COL24A1: variants seen among roughly 807,000 people sequenced by gnomAD.
COL24A1 encodes the protein collagen alpha-1(XXIV) chain.
Under a neutral mutation model 253.9 loss-of-function variants are expected in COL24A1, and 224 were observed. The observed-to-expected ratio is 0.88, with a 90% CI of 0.79 to 0.99. The LOEUF is 0.99. COL24A1 is among the 50% of genes least tolerant of loss of function. The pLI, the probability that COL24A1 is intolerant of heterozygous loss-of-function variation, is 0.00. For missense variants in COL24A1, 2,131 were observed against 2,068.5 expected (o/e 1.03, Z -0.59); for synonymous variants, 685 against 673.7 (o/e 1.02, Z -0.26).
At chr1:86,032,998 A>G (rs1698702150) in intron 13 of COL24A1, among the ~76,000 whole-genome samples, 1 of 152,144 alleles carries the variant, frequency 6.6e-6, no homozygotes, top group Non-Finnish European at 1.5e-5. Flanking sequence ...ATGCAAGAAA[A>G]ATGGTAAACA....
chr1:85,968,675 C>T (rs1005531666), intron 22 of COL24A1, among the ~76,000 whole-genome samples: 3 of 151,422 alleles, frequency 2.0e-5, no homozygotes, highest in Non-Finnish European at 4.4e-5. Context: ...ATTTTTATTT[C>T]CACTGGTTGG....
Position 85,908,604 on chromosome 1 carries a change from TC to T in COL24A1, c.2717del (p.Gly906AspfsTer30). 1 of 1,481,636 alleles carries T rather than the reference TC, an allele frequency of 6.7e-7. No homozygotes were observed. The highest frequency in any genetic ancestry group is 9.1e-7 in the Non-Finnish European group (1 of 1,102,406). The allele number at this position is 1,481,636 out of a possible 1,614,324, so 91.8% of individuals were successfully genotyped here. On this transcript the variant is annotated frameshift_variant, in exon 27 of 60. Coordinates refer to ENST00000370571, the MANE Select transcript of COL24A1 (RefSeq NM_152890.7). LOFTEE classifies it high-confidence loss of function. ...PGVPGPIGPL[G>X]LPGHVGARGP... is the part of the protein sequence containing the mutation. ...AAGTCTTTCCTGTACTTACAGGTAA[TC>T]CCAATGGACCGATAGGTCCTGGAAC...
intron 28 of COL24A1, among the ~76,000 whole-genome samples, chr1:85,902,540 C>G (rs1684417705): frequency 6.6e-6 from 1 of 152,144 alleles, no homozygotes; most frequent in South Asian, 2.1e-4. Flanking sequence ...TTGTAAAGAT[C>G]CCCATATACA....
chr1:86,085,288 C>T (rs1015653892), intron 7 of COL24A1, among the ~76,000 whole-genome samples: 1 of 152,062 alleles, frequency 6.6e-6, no homozygotes, highest in African/African-American at 2.4e-5. Flanking sequence ...TGAAAAGATT[C>T]TTTTAAAAAA....
intron 52 of COL24A1, among the ~76,000 whole-genome samples, chr1:85,777,884 TA>T (rs1324537971): frequency 1.3e-5 from 2 of 152,166 alleles, no homozygotes; most frequent in African/African-American, 4.8e-5. Context: ...CTTTTTATTA[TA>T]AAACAATAGT....
intron 43 of COL24A1, among the ~76,000 whole-genome samples, chr1:85,834,702 C>T (rs1010542482): frequency 3.9e-5 from 6 of 152,124 alleles, no homozygotes; most frequent in African/African-American, 7.2e-5. Context: ...TTGAGTTAAT[C>T]TTGGCTATTT....
chr1:85,966,144 G>A (rs1691550699), intron 22 of COL24A1, among the ~76,000 whole-genome samples: 1 of 152,090 alleles, frequency 6.6e-6, no homozygotes, highest in Admixed American at 6.6e-5. Context: ...TAATGTGAAG[G>A]TAGAGCTTCC....
intron 19 of COL24A1, among the ~76,000 whole-genome samples, chr1:86,001,057 A>G (rs1290383573): frequency 2.0e-5 from 3 of 152,192 alleles, no homozygotes; most frequent in Non-Finnish European, 4.4e-5. Flanking sequence ...AAATAAATCT[A>G]TGTATTAAGG....
Position 85,744,601 on chromosome 1 carries a change from T to C in COL24A1, c.4672+65A>G, listed in dbSNP as rs1665003890. ...TGATTTGGAGTGAACACATTACAAA[T>C]CTCAAACACACTGAAATGATGAAAT... On this transcript the variant is annotated intron_variant, in intron 57 of 59. Coordinates refer to ENST00000370571, the MANE Select transcript of COL24A1 (RefSeq NM_152890.7). 3 of 1,384,154 alleles carry C rather than the reference T, an allele frequency of 2.2e-6. No individual in the cohort carries two copies. In the African/African-American group the frequency reaches 4.4e-5, roughly 20 times the overall value. 85.7% of individuals were successfully genotyped at this position (1,384,154 alleles called of 1,614,324 possible). A position where few individuals can be genotyped will look rare whatever the true frequency, so the allele number is the denominator to read the frequency against.
At chr1:85,868,702 A>G in intron 36 of COL24A1, 76 bp from the exon 37 acceptor site, 1 of 1,456,284 alleles carries the variant, frequency 6.9e-7, no homozygotes, top group Non-Finnish European at 9.5e-7. Flanking sequence ...GGTTTTTGTC[A>G]CACAAAAACA....
intron 12 of COL24A1, chr1:86,045,886 T>C (rs1233831834): frequency 2.3e-6 from 1 of 439,902 alleles, no homozygotes; most frequent in South Asian, 1.7e-5. Flanking sequence ...CTAAGCACTG[T>C]GAGTAGAAGA....
chr1:85,835,982 C>T (rs1235349881), intron 43 of COL24A1, among the ~76,000 whole-genome samples: 1 of 152,126 alleles, frequency 6.6e-6, no homozygotes, highest in Non-Finnish European at 1.5e-5. Flanking sequence ...AGGTGTCTCC[C>T]TATACCTGGA....
chr1:85,973,291 T>C (rs908347489), intron 20 of COL24A1, among the ~76,000 whole-genome samples: 1 of 152,194 alleles, frequency 6.6e-6, no homozygotes, highest in Non-Finnish European at 1.5e-5. Flanking sequence ...AAGTATATAA[T>C]TATCAGTAAG....
Position 86,125,585 on chromosome 1 carries a change from C to T in COL24A1, c.751G>A (p.Glu251Lys). 1.2e-6 allele frequency: 2 copies of T among 1,613,458 alleles called. No homozygotes were observed. Among genetic ancestry groups the T allele is most frequent in the Non-Finnish European group, 1.7e-6 (2 of 1,179,750 alleles). The change falls in exon 3 of 60, where the codon GAA (glutamate) becomes AAA (lysine). Residue 251 changes from glutamate to lysine, a missense_variant. Transcript: ENST00000370571. ...QCRQADKYQP[E>K]TSIPCTTLIP... ...AGAGTTGTACAAGGAATGCTTGTTT[C>T]AGGTTGGTATTTGTCTGCTTGGCGA... is the stretch of plus-strand genomic sequence containing the variant.
At chr1:85,939,959 C>CTAAG (rs1272509999) in intron 24 of COL24A1, among the ~76,000 whole-genome samples, 1 of 152,122 alleles carries the variant, frequency 6.6e-6, no homozygotes, top group Admixed American at 6.5e-5. Context: ...CCTGTGCTAT[C>CTAAG]TACTTACTGA....
chr1:85,896,435 G>C (rs1235541436), intron 28 of COL24A1, 26 bp from the exon 29 acceptor site: 8 of 1,586,938 alleles, frequency 5.0e-6, no homozygotes, highest in Non-Finnish European at 6.9e-6. Context: ...ATATCCTGTT[G>C]TTAATTTGAA....
intron 45 of COL24A1, among the ~76,000 whole-genome samples, chr1:85,819,582 C>T (rs1398063814): frequency 1.3e-5 from 2 of 152,034 alleles, no homozygotes; most frequent in Admixed American, 1.3e-4. Context: ...AAAAGCCTGA[C>T]TCTTAAATAT....
At chr1:85,984,718 G>A (rs562277792) in intron 20 of COL24A1, among the ~76,000 whole-genome samples, 22 of 151,632 alleles carry the variant, frequency 1.5e-4, no homozygotes, top group East Asian at 5.8e-4. Flanking sequence ...GGTTTACCGC[G>A]AACTATTAAT....
rs1429939132 is a variant in COL24A1 at position 85,910,968 on chromosome 1, T to A, written c.2616+412A>T. On this transcript the variant is annotated intron_variant, in intron 25 of 59. Coordinates refer to ENST00000370571, the MANE Select transcript of COL24A1 (RefSeq NM_152890.7). ...AGGGAAGGAGAGAGGATATTTTAGT[T>A]CAAGAAAATAGTAAGAATGGAAATA... Among the ~76,000 whole-genome samples, 6 of 151,736 alleles carry A rather than the reference T, an allele frequency of 4.0e-5. No individual in the cohort carries two copies. The East Asian group carries it at 5.8e-4, about 15-fold the overall frequency.
Sources: gnomAD v4.1 joint callset for allele counts (sites outside exome capture counted in the v4.1 genomes callset) on GRCh38, gnomAD v4.1.1 for gene constraint, MANE v1.5 for transcripts, NCBI Gene and HGNC (gene_info 2026-07-23, HGNC 2026-07-21) for gene names.